DOCK8: variants seen among roughly 807,000 people sequenced by gnomAD.
DOCK8 encodes the protein dedicator of cytokinesis 8.
A neutral mutation model predicts 245.6 loss-of-function variants in DOCK8; 141 were observed. The observed-to-expected ratio is 0.57, with a 90% CI of 0.50 to 0.66. The LOEUF is 0.66. DOCK8 is among the 30% of genes least tolerant of loss of function. The pLI is 0.00. For missense variants in DOCK8, 2,965 were observed against 2,603.4 expected (o/e 1.14, Z -3.02); for synonymous variants, 1,168 against 970.2 (o/e 1.20, Z -3.79).
Position 447,750 on chromosome 9 carries a change from A to G in DOCK8, c.5817+1144A>G, listed in dbSNP as rs1348807994. Reference sequence around the variant, plus strand: ...AACAAACACAGATGAATTGTGGTGAATATATACCTCATCAGGCAGAAGCAG... The same window carrying G: ...AACAAACACAGATGAATTGTGGTGAGTATATACCTCATCAGGCAGAAGCAG... On this transcript the variant is annotated intron_variant, in intron 44 of 47. Transcript: ENST00000432829. Among the ~76,000 whole-genome samples the G allele has an allele frequency of 2.6e-5, 4 of 152,228 alleles. No homozygotes were observed. The East Asian group carries it at 7.7e-4, about 29-fold the overall frequency.
intron 7 of DOCK8, among the ~76,000 whole-genome samples, chr9:323,442 T>TG (rs1382925464): frequency 6.6e-6 from 1 of 151,918 alleles, no homozygotes; most frequent in Admixed American, 6.6e-5. Flanking sequence ...AGGCTGGTCT[T>TG]GAACTCCTGA....
chr9:440,762 A>G (rs548129949), intron 40 of DOCK8, among the ~76,000 whole-genome samples: 6 of 152,178 alleles, frequency 3.9e-5, no homozygotes, highest in African/African-American at 1.4e-4. Flanking sequence ...TTTTTGAGGC[A>G]GCGTCTTGCC....
chr9:224,077 A>G (rs916898241), intron 1 of DOCK8, among the ~76,000 whole-genome samples: 1 of 152,222 alleles, frequency 6.6e-6, no homozygotes, highest in Admixed American at 6.5e-5. Flanking sequence ...AGTAATTGCA[A>G]AGAGGAGTTC....
intron 4 of DOCK8, among the ~76,000 whole-genome samples, chr9:293,279 C>T (rs779872541): frequency 6.6e-6 from 1 of 152,226 alleles, no homozygotes; most frequent in African/African-American, 2.4e-5. Flanking sequence ...CTAGCACACA[C>T]TCCTCCCAGG....
chr9:214,170 C>CT (rs1446579096), upstream of DOCK8: 1 of 318,052 alleles, frequency 3.1e-6, no homozygotes, highest in African/African-American at 2.3e-5. Context: ...TGGGACTTTT[C>CT]TGTTTTTATC....
intron 28 of DOCK8, among the ~76,000 whole-genome samples, chr9:409,856 C>T (rs1490400842): frequency 1.3e-5 from 2 of 151,976 alleles, no homozygotes; most frequent in African/African-American, 4.8e-5. Flanking sequence ...TCATCCATGT[C>T]CCTACAAAGG....
At chr9:382,189 A>T (rs900644339) in intron 21 of DOCK8, among the ~76,000 whole-genome samples, 1 of 152,152 alleles carries the variant, frequency 6.6e-6, no homozygotes, top group Admixed American at 6.5e-5. Context: ...TTAGCTTCTC[A>T]TGAGAAATCA....
At chr9:420,771 A>G (rs748286707) in intron 31 of DOCK8, among the ~76,000 whole-genome samples, 178 bp from the exon 32 acceptor site, 2 of 152,248 alleles carry the variant, frequency 1.3e-5, no homozygotes, top group Non-Finnish European at 2.9e-5. Context: ...TGCCTTCTGC[A>G]GAGAGAACCC....
At chr9:214,846 G>A, upstream of DOCK8, 1 of 1,601,824 alleles carries the variant, frequency 6.2e-7, no homozygotes, top group Non-Finnish European at 8.5e-7. Context: ...TGGAAATGCG[G>A]AAGTTTCCAG....
At chr9:275,471 T>G (rs73639042) in intron 2 of DOCK8, among the ~76,000 whole-genome samples, 3,614 of 152,310 alleles carry the variant, frequency 0.024, 144 homozygotes, top group African/African-American at 0.079. Flanking sequence ...CTAGGGACAA[T>G]TCAATCAGAA....
At chr9:312,724 G>A in intron 6 of DOCK8, 2 of 336,986 alleles carry the variant, frequency 5.9e-6, no homozygotes, top group Non-Finnish European at 1.1e-5. Context: ...GACAACAATA[G>A]GATAATGTAG....
intron 33 of DOCK8, 86 bp downstream of exon 33, chr9:422,221 A>G (rs2056306489): frequency 1.8e-6 from 2 of 1,091,272 alleles, no homozygotes; most frequent in South Asian, 2.6e-5. Flanking sequence ...AAACAACTGC[A>G]TCCTTCCAAG....
At chr9:387,931 G>C (rs1329639747) in intron 23 of DOCK8, among the ~76,000 whole-genome samples, 1 of 152,150 alleles carries the variant, frequency 6.6e-6, no homozygotes, top group African/African-American at 2.4e-5. Flanking sequence ...TTATTTCAAA[G>C]GGAAGTTTGG....
intron 1 of DOCK8, among the ~76,000 whole-genome samples, chr9:248,655 C>T (rs1243697784): frequency 4.0e-5 from 6 of 151,898 alleles, no homozygotes; most frequent in Admixed American, 1.3e-4. Context: ...GTAGCTGTCA[C>T]GACCTAATGA....
At chr9:378,926 T>G (rs543265017) in intron 20 of DOCK8, among the ~76,000 whole-genome samples, 31 of 152,344 alleles carry the variant, frequency 2.0e-4, no homozygotes, top group Admixed American at 8.5e-4. Flanking sequence ...GAGAATCATG[T>G]AACTCAGTTT....
chr9:258,208 C>T lies in DOCK8; in HGVS notation c.54-13419C>T, dbSNP rs145951248. Among the ~76,000 whole-genome samples, 17 of 152,328 alleles carry T rather than the reference C, an allele frequency of 1.1e-4. No homozygotes were observed. The East Asian group carries it at 2.1e-3, about 19-fold the overall frequency. ...TCACAACTGCAATCAGCTTGAATAG[C>T]AGAGGCTGGAAGGCTCTCCATGTCT... is the stretch of plus-strand genomic sequence containing the variant. On this transcript the variant is annotated intron_variant, in intron 1 of 47. Coordinates refer to ENST00000432829, the MANE Select transcript of DOCK8 (RefSeq NM_203447.4).
intron 1 of DOCK8, among the ~76,000 whole-genome samples, chr9:217,901 T>G (rs1205593425): frequency 7.2e-5 from 11 of 152,194 alleles, no homozygotes; most frequent in Admixed American, 2.6e-4. Context: ...TGCAAACTGC[T>G]CCAAAGACTG....
intron 4 of DOCK8, among the ~76,000 whole-genome samples, chr9:291,302 A>G (rs187555171): frequency 2.0e-3 from 299 of 152,028 alleles, no homozygotes; most frequent in African/African-American, 5.8e-3. Context: ...AGAGAAAAAA[A>G]TGACTCTTTT....
intron 1 of DOCK8, among the ~76,000 whole-genome samples, chr9:242,147 G>A (rs1373103469): frequency 2.0e-5 from 3 of 152,158 alleles, no homozygotes; most frequent in African/African-American, 7.2e-5. Context: ...TGAAGATGAA[G>A]TTATGTTATA....
Sources: gnomAD v4.1 joint callset for allele counts (sites outside exome capture counted in the v4.1 genomes callset) on GRCh38, gnomAD v4.1.1 for gene constraint, MANE v1.5 for transcripts, NCBI Gene and HGNC (gene_info 2026-07-23, HGNC 2026-07-21) for gene names.